Variants in RAF1 observed in about 807,000 individuals in gnomAD.
RAF1 encodes the protein RAF proto-oncogene serine/threonine-protein kinase.
RAF1 carries 27 observed loss-of-function variants against 81.1 expected under a neutral mutation model. The ratio of observed to expected loss-of-function variants is 0.33; its 90% CI spans 0.25 to 0.46. RAF1 has a LOEUF of 0.46. Among genes scored for constraint, RAF1 ranks in the 20% least tolerant of loss-of-function variants. The pLI is 1.00. For missense variants in RAF1, 598 were observed against 826.0 expected (o/e 0.72, Z 3.38); for synonymous variants, 298 against 294.0 (o/e 1.01, Z -0.14).
chr3:12,663,771 G>A (rs1263453758), intron 1 of RAF1, 42 bp downstream of exon 1: 6 of 395,966 alleles, frequency 1.5e-5, no homozygotes, highest in African/African-American at 6.2e-5. Context: ...CAGCCCCGCC[G>A]CCCGGCTCCC....
chr3:12,626,570 G>A lies in RAF1; in HGVS notation c.-26-7823C>T, dbSNP rs554167695. ...CACACAACTGCACTCCAGCCAAAGCGACAGACCGAGACCTTGTCTAAAAAA... is the reference window on the plus strand; with the variant it reads ...CACACAACTGCACTCCAGCCAAAGCAACAGACCGAGACCTTGTCTAAAAAA... On this transcript the variant is annotated intron_variant, in intron 1 of 17. Transcript: ENST00000442415. 4.1e-4 allele frequency among the ~76,000 whole-genome samples: 60 copies of A among 147,108 alleles called. 1 individual carries two copies. In the South Asian group the frequency reaches 0.013, roughly 33 times the overall value.
In RAF1 at chr3:12,626,322, C is replaced by T. The variant is rs79581717; in HGVS notation, c.-26-7575G>A. Among the ~76,000 whole-genome samples the T allele has an allele frequency of 6.6e-5, 10 of 151,188 alleles. No homozygotes were observed. In the East Asian group the frequency reaches 1.9e-3, roughly 29 times the overall value. On this transcript the variant is annotated intron_variant, in intron 1 of 17. Transcript: ENST00000442415. ...TGTTCATGGGCTGGGCACCGTGGCT[C>T]TCACCTGCAAATCCCAGGACTCTGG... is the stretch of plus-strand genomic sequence containing the variant.
chr3:12,598,898 C>T (rs1350069152), intron 11 of RAF1, among the ~76,000 whole-genome samples: 3 of 152,122 alleles, frequency 2.0e-5, no homozygotes, highest in Non-Finnish European at 4.4e-5. Context: ...GTAGTATAGG[C>T]ACCAAGGGAC....
intron 2 of RAF1, among the ~76,000 whole-genome samples, chr3:12,613,056 A>G (rs1357559409): frequency 6.6e-6 from 1 of 152,160 alleles, no homozygotes; most frequent in Admixed American, 6.5e-5. Flanking sequence ...TAGTTTAAAT[A>G]TATGTGCACA....
At chr3:12,623,013 A>AT (rs1014950672) in intron 1 of RAF1, among the ~76,000 whole-genome samples, 2 of 152,078 alleles carry the variant, frequency 1.3e-5, no homozygotes, top group African/African-American at 4.8e-5. Flanking sequence ...TAAAAAAAAA[A>AT]TTTTAATTAC....
chr3:12,619,104 G>A (rs2059469430), intron 1 of RAF1, among the ~76,000 whole-genome samples: 1 of 152,036 alleles, frequency 6.6e-6, no homozygotes, highest in African/African-American at 2.4e-5. Flanking sequence ...AATTAGCCGG[G>A]CGTGGTGGCG....
rs1319525639 is a variant in RAF1 at position 12,584,626 on chromosome 3, G to A, written c.1895C>T (p.Ser632Phe). Residue 632 changes from serine (S) to phenylalanine (F), a missense_variant, in exon 18 of 18, where the codon TCT becomes TTT. Ser to Phe is a radical substitution (Grantham distance 155). Transcript: ENST00000442415. The stretch of plus-strand genomic sequence containing the variant: ...AGCGCTCCGGTTGATCTTCGGTAGA[G>A]AGTGTTGGAGCAGCTCAATGGAAGA... 6.2e-7 allele frequency: 1 copy of A among 1,614,070 alleles called. No individual in the cohort carries two copies. Among genetic ancestry groups the A allele is most frequent in the South Asian group, 1.1e-5 (1 of 91,076 alleles).
In RAF1 at chr3:12,583,885, G is replaced by A. The variant is rs1029308851; in HGVS notation, c.*629C>T. On this transcript the variant is annotated 3_prime_UTR_variant, in exon 18 of 18. Transcript: ENST00000442415. ...GACTGCTCCCTGAGAGGGCTGAGATGCGGATTGGCCGAGTGCCTTGCCTGG... is the reference window on the plus strand; with the variant it reads ...GACTGCTCCCTGAGAGGGCTGAGATACGGATTGGCCGAGTGCCTTGCCTGG... The A allele has an allele frequency of 8.5e-5, 20 of 234,964 alleles. No homozygotes were observed. The Admixed American group carries it at 9.4e-4, about 11-fold the overall frequency. 14.6% of individuals were successfully genotyped at this position (234,964 alleles called of 1,614,324 possible). A position where few individuals can be genotyped will look rare whatever the true frequency, so the allele number is the denominator to read the frequency against.
At chr3:12,661,142 G>GC (rs2060864012) in intron 1 of RAF1, among the ~76,000 whole-genome samples, 1 of 152,058 alleles carries the variant, frequency 6.6e-6, no homozygotes, top group Non-Finnish European at 1.5e-5. Context: ...CACAACCAAA[G>GC]CAAGATTTAG....
chr3:12,645,587 T>C (rs1475147428), intron 1 of RAF1, among the ~76,000 whole-genome samples: 1 of 152,244 alleles, frequency 6.6e-6, no homozygotes, highest in Non-Finnish European at 1.5e-5. Context: ...TGATCTGTAC[T>C]TTGAAACCTA....
chr3:12,657,317 A>T (rs542687544), intron 1 of RAF1, among the ~76,000 whole-genome samples: 106 of 152,218 alleles, frequency 7.0e-4, no homozygotes, highest in Non-Finnish European at 1.3e-3. Context: ...AATAGGATAC[A>T]TAAGAATTCA....
chr3:12,649,873 AC>A (rs2060467696), intron 1 of RAF1, among the ~76,000 whole-genome samples: 2 of 151,966 alleles, frequency 1.3e-5, no homozygotes, highest in South Asian at 4.2e-4. Context: ...GCAGCCAGGC[AC>A]AGTGGCTCAT....
chr3:12,645,097 CAAAAAAAAA>C (rs11401342), intron 1 of RAF1, among the ~76,000 whole-genome samples: 5 of 65,060 alleles, frequency 7.7e-5, no homozygotes, highest in South Asian at 1.1e-3. Context: ...GACTCAGTCT[CAAAAAAAAA>C]AAAAAAAAAA....
intron 12 of RAF1, 122 bp downstream of exon 11, chr3:12,591,586 A>G (rs2058515685): frequency 1.2e-6 from 1 of 810,976 alleles, no homozygotes; most frequent in African/African-American, 1.7e-5. Flanking sequence ...AACCACAGAA[A>G]CTCCACAGTG....
intron 1 of RAF1, among the ~76,000 whole-genome samples, chr3:12,627,925 G>A (rs1051653118): frequency 1.2e-4 from 19 of 152,294 alleles, no homozygotes; most frequent in African/African-American, 3.6e-4. Flanking sequence ...GTTGAGACCC[G>A]CCTGGCCCAC....
chr3:12,590,295 A>G, intron 13 of RAF1: 1 of 162,120 alleles, frequency 6.2e-6, no homozygotes, highest in Admixed American at 5.8e-5. Context: ...CCCAAGGGGG[A>G]AGTTCAGTCC....
chr3:12,658,382 C>G (rs1345397111), intron 1 of RAF1, among the ~76,000 whole-genome samples: 2 of 152,226 alleles, frequency 1.3e-5, no homozygotes, highest in Non-Finnish European at 2.9e-5. Flanking sequence ...GCAGGCAGAT[C>G]ACCTGAGTTA....
chr3:12,651,673 C>T (rs558054921), intron 1 of RAF1, among the ~76,000 whole-genome samples: 7 of 143,572 alleles, frequency 4.9e-5, no homozygotes, highest in Admixed American at 2.8e-4. Context: ...AAAAGATACA[C>T]GAATTGATCA....
At chr3:12,597,000 G>A (rs1478232651) in intron 11 of RAF1, among the ~76,000 whole-genome samples, 6 of 151,678 alleles carry the variant, frequency 4.0e-5, no homozygotes, top group African/African-American at 7.3e-5. Flanking sequence ...CCGGGTTCAC[G>A]CCATTCTCCT....
Sources: gnomAD v4.1 joint callset for allele counts (sites outside exome capture counted in the v4.1 genomes callset) on GRCh38, gnomAD v4.1.1 for gene constraint, MANE v1.5 for transcripts, NCBI Gene and HGNC (gene_info 2026-07-23, HGNC 2026-07-21) for gene names.